Variants in PRKCH observed in about 807,000 individuals in gnomAD.
The protein encoded by PRKCH is protein kinase C eta type.
In PRKCH, 28 loss-of-function variants were observed where a neutral mutation model predicts 82.5. The ratio of observed to expected loss-of-function variants is 0.34; its 90% CI spans 0.25 to 0.47. The LOEUF (loss-of-function observed/expected upper bound fraction) is 0.47, where lower values mean the gene tolerates loss of function less well. PRKCH is among the 20% of genes least tolerant of loss of function. The pLI, the probability that PRKCH is intolerant of heterozygous loss-of-function variation, is 1.00. For missense variants in PRKCH, 705 were observed against 881.8 expected, an observed-to-expected ratio of 0.80 and a Z score of 2.54; for synonymous variants, 322 against 327.4, an observed-to-expected ratio of 0.98 and a Z score of 0.18.
intron 10 of PRKCH, among the ~76,000 whole-genome samples, chr14:61,521,237 CAAAA>C (rs1304932611): frequency 6.6e-6 from 1 of 152,012 alleles, no homozygotes; most frequent in African/African-American, 2.4e-5. Context: ...CTTTTATAAT[CAAAA>C]AAACATTTTC....
At chr14:61,423,393 C>G (rs1321487028) in intron 2 of PRKCH, among the ~76,000 whole-genome samples, 3 of 152,170 alleles carry the variant, frequency 2.0e-5, no homozygotes. Context: ...CAGAAATACA[C>G]AGACAGTTGA....
At chr14:61,403,649 G>C (rs1011314929) in intron 2 of PRKCH, among the ~76,000 whole-genome samples, 1 of 152,168 alleles carries the variant, frequency 6.6e-6, no homozygotes, top group Admixed American at 6.5e-5. Flanking sequence ...AGGCAGTCAC[G>C]ATACTTCTGA....
chr14:61,491,547 G>T (rs1426812066), intron 10 of PRKCH, among the ~76,000 whole-genome samples: 1 of 152,122 alleles, frequency 6.6e-6, no homozygotes, highest in Admixed American at 6.5e-5. Context: ...TGCCATGGTG[G>T]CCTCATTCAG....
chr14:61,463,468 A>G (rs2140302684), intron 9 of PRKCH: 1 of 151,460 alleles, frequency 6.6e-6, no homozygotes, highest in East Asian at 1.9e-4. Context: ...GAACCCATAG[A>G]TTATTTCCCC....
At chr14:61,451,730 C>T (rs1023474336) in intron 6 of PRKCH, among the ~76,000 whole-genome samples, 3 of 152,142 alleles carry the variant, frequency 2.0e-5, no homozygotes, top group African/African-American at 7.2e-5. Context: ...CACCTGAAGC[C>T]TTTCTTATCA....
At chr14:61,484,291 C>CTT (rs71449556) in intron 9 of PRKCH, among the ~76,000 whole-genome samples, 53,404 of 86,302 alleles carry the variant, frequency 0.62, 19,318 homozygotes, top group Non-Finnish European at 0.79. Context: ...GCTTGTGTCA[C>CTT]TTTTTTTTTT....
At chr14:61,197,797 C>CTTGAAAAG (rs2044451348) in intron 1 of PRKCH, among the ~76,000 whole-genome samples, 1 of 152,180 alleles carries the variant, frequency 6.6e-6, no homozygotes, top group South Asian at 2.1e-4. Flanking sequence ...TGCACACTTG[C>CTTGAAAAG]TTGAAAAGGT....
intron 9 of PRKCH, among the ~76,000 whole-genome samples, chr14:61,464,332 T>A (rs1255734023): frequency 6.6e-6 from 1 of 152,198 alleles, no homozygotes; most frequent in African/African-American, 2.4e-5. Context: ...TATTGAGCAT[T>A]TTTTCTATAC....
chr14:61,502,077 TTTTTTC>T (rs1190696906), intron 10 of PRKCH, among the ~76,000 whole-genome samples: 3 of 140,050 alleles, frequency 2.1e-5, no homozygotes, highest in Non-Finnish European at 3.1e-5. Flanking sequence ...TTTTTTTTTT[TTTTTTC>T]CGAGATGGAG....
At chr14:61,375,702 C>T (rs981659209) in intron 1 of PRKCH, among the ~76,000 whole-genome samples, 1 of 151,980 alleles carries the variant, frequency 6.6e-6, no homozygotes, top group Non-Finnish European at 1.5e-5. Flanking sequence ...GGAAGTCTGC[C>T]TCCATGATTC....
chr14:61,467,452 C>T (rs77555864), intron 9 of PRKCH, among the ~76,000 whole-genome samples: 3,308 of 152,278 alleles, frequency 0.022, 117 homozygotes, highest in African/African-American at 0.076. Context: ...CCTCACTGAG[C>T]ATTTGGCTGA....
chr14:61,521,195 G>A (rs1054774850), intron 10 of PRKCH, among the ~76,000 whole-genome samples: 22 of 152,030 alleles, frequency 1.4e-4, no homozygotes, highest in African/African-American at 5.3e-4. Flanking sequence ...ACCTTTTTCA[G>A]GAATGATCAA....
chr14:61,498,849 A>G (rs1025765075), intron 10 of PRKCH, among the ~76,000 whole-genome samples: 11 of 152,182 alleles, frequency 7.2e-5, no homozygotes, highest in African/African-American at 1.2e-4. Flanking sequence ...GGCAGGACAC[A>G]AAACATTCAG....
rs1426102457 is a variant in PRKCH at position 61,519,614 on chromosome 14, A to G, written c.1434-9461A>G. Among the ~76,000 whole-genome samples, 4 of 152,074 alleles carry G rather than the reference A, an allele frequency of 2.6e-5. No homozygotes were observed. In the South Asian group the frequency reaches 8.3e-4, roughly 32 times the overall value. On this transcript the variant is annotated intron_variant, in intron 10 of 13. Transcript: ENST00000332981. ...TTTTACATTCAGCCTCATAATGATG[A>G]ATGTTCACATCTTGTATACGTGGTC... is the stretch of plus-strand genomic sequence containing the variant.
chr14:61,352,527 G>A (rs886746467), intron 1 of PRKCH, among the ~76,000 whole-genome samples: 1 of 151,980 alleles, frequency 6.6e-6, no homozygotes, highest in Non-Finnish European at 1.5e-5. Flanking sequence ...AGCTGGGCGT[G>A]GTGGTGTGCA....
At chr14:61,492,127 T>C (rs1178426159) in intron 10 of PRKCH, 1 of 152,250 alleles carries the variant, frequency 6.6e-6, no homozygotes, top group East Asian at 1.9e-4. Context: ...CAGGGGTTTT[T>C]AGAGCAGGCC....
At chr14:61,196,076 T>A (rs1317729833) in intron 1 of PRKCH, among the ~76,000 whole-genome samples, 1 of 152,114 alleles carries the variant, frequency 6.6e-6, no homozygotes, top group Non-Finnish European at 1.5e-5. Flanking sequence ...CAACATGGGT[T>A]GTTGAAATGA....
chr14:61,230,615 A>G (rs1474053563), intron 1 of PRKCH, among the ~76,000 whole-genome samples: 1 of 152,218 alleles, frequency 6.6e-6, no homozygotes, highest in East Asian at 1.9e-4. Flanking sequence ...ATGTGTTTCC[A>G]TCTATATGTA....
At chr14:61,392,456 G>T (rs995088702) in intron 2 of PRKCH, among the ~76,000 whole-genome samples, 3 of 152,100 alleles carry the variant, frequency 2.0e-5, no homozygotes, top group Non-Finnish European at 2.9e-5. Context: ...ATTCTAGTGG[G>T]TATGAAATTA....
Sources: allele counts gnomAD v4.1 joint callset (sites outside exome capture counted in the v4.1 genomes callset), GRCh38; gene constraint gnomAD v4.1.1; transcripts MANE v1.5; gene names NCBI Gene and HGNC (gene_info 2026-07-23, HGNC 2026-07-21).